Variants in HDAC1 observed in about 807,000 individuals in gnomAD.
HDAC1 encodes protein deacetylase HDAC1.
HDAC1 carries 18 observed loss-of-function variants against 65.5 expected under a neutral mutation model. The ratio of observed to expected loss-of-function variants is 0.27; its 90% CI spans 0.19 to 0.41. HDAC1 has a LOEUF of 0.41. HDAC1 is among the 10% of genes least tolerant of loss of function. HDAC1 has a pLI of 1.00. For missense variants in HDAC1, 373 were observed against 625.2 expected (o/e 0.60, Z 4.30); for synonymous variants, 211 against 227.9 (o/e 0.93, Z 0.67).
At chr1:32,319,275 G>A (rs1375775767) in intron 3 of HDAC1, among the ~76,000 whole-genome samples, 2 of 152,034 alleles carry the variant, frequency 1.3e-5, no homozygotes, top group Non-Finnish European at 1.5e-5. Context: ...ATTAGGTCTT[G>A]GATTTTTCTG....
intron 2 of HDAC1, among the ~76,000 whole-genome samples, chr1:32,306,189 T>A (rs147891634): frequency 0.011 from 1,676 of 150,864 alleles, 19 homozygotes; most frequent in Non-Finnish European, 0.016. Flanking sequence ...TCTTTTTCTT[T>A]TTCTTTTTTT....
intron 3 of HDAC1, among the ~76,000 whole-genome samples, chr1:32,322,328 A>G (rs553846257): frequency 1.3e-5 from 2 of 151,628 alleles, no homozygotes; most frequent in Admixed American, 1.3e-4. Context: ...CCAGGCTGGA[A>G]TGCAGGGGTG....
intron 3 of HDAC1, among the ~76,000 whole-genome samples, chr1:32,318,761 G>T (rs1161590523): frequency 6.6e-6 from 1 of 152,144 alleles, no homozygotes; most frequent in Non-Finnish European, 1.5e-5. Context: ...GCCCTGAGGA[G>T]TGTGCAGGTT....
intron 3 of HDAC1, among the ~76,000 whole-genome samples, chr1:32,317,969 T>C (rs1364080882): frequency 6.6e-6 from 1 of 152,048 alleles, no homozygotes; most frequent in African/African-American, 2.4e-5. Flanking sequence ...CCCCTGCCAC[T>C]TTTTTTTGAG....
Position 32,333,487 on chromosome 1 carries a change from C to T in HDAC1, c.*443C>T, listed in dbSNP as rs1353419982. 3 of 153,754 alleles carry T rather than the reference C, an allele frequency of 2.0e-5. No individual in the cohort carries two copies. Among genetic ancestry groups the T allele is most frequent in the African/African-American group, 7.2e-5 (3 of 41,462 alleles). The allele number at this position is 153,754 out of a possible 1,614,324, so 9.5% of individuals were successfully genotyped here. A position where few individuals can be genotyped will look rare whatever the true frequency, so the allele number is the denominator to read the frequency against. On this transcript the variant is annotated 3_prime_UTR_variant, in exon 14 of 14. Transcript: ENST00000373548. ...TGTTTTCGTACCTTCCCACTGGCCT[C>T]AAGTGAGCCAAGAAACACTGCCTGC... is the stretch of plus-strand genomic sequence containing the variant.
intron 1 of HDAC1, among the ~76,000 whole-genome samples, chr1:32,297,636 AGTCTT>A (rs1640786115): frequency 6.6e-6 from 1 of 152,090 alleles, no homozygotes; most frequent in African/African-American, 2.4e-5. Context: ...GGGGGGACGG[AGTCTT>A]GCTCTGTCGC....
At position 32,327,479 on chromosome 1, in the gene HDAC1, C is replaced by T; in HGVS notation, c.495-57C>T. The T allele has an allele frequency of 4.4e-6, 6 of 1,359,262 alleles. No individual in the cohort carries two copies. The Admixed American group carries it at 8.5e-5, about 19-fold the overall frequency. The allele number at this position is 1,359,262 out of a possible 1,614,324, so 84.2% of individuals were successfully genotyped here. On this transcript the variant is annotated intron_variant, in intron 5 of 13. Coordinates refer to ENST00000373548, the MANE Select transcript of HDAC1 (RefSeq NM_004964.3). The surrounding 1 kb of genome is among the most constrained non-coding windows in gnomAD (Gnocchi z 6.0). ...GCCCGGTAAGCTGGGAGCTAGCGCCCTTGGCACGTCCCATCCCCAAAGAGC... is the reference window on the plus strand; with the variant it reads ...GCCCGGTAAGCTGGGAGCTAGCGCCTTTGGCACGTCCCATCCCCAAAGAGC...
At position 32,330,432 on chromosome 1, in the gene HDAC1, A is replaced by G; in HGVS notation, c.730-146A>G. On this transcript the variant is annotated intron_variant, in intron 7 of 13. Transcript: ENST00000373548. This position sits in a 1 kb window ranked among gnomAD's most constrained non-coding sequence, Gnocchi z 4.2. ...TCCCAAGTGGGCAAGCAAGGGCTCC[A>G]GCCTAGCACTCCCTTTTCTCTCCCA... is the stretch of plus-strand genomic sequence containing the variant. 2.9e-6 allele frequency: 2 copies of G among 680,164 alleles called. No individual in the cohort carries two copies. Among genetic ancestry groups the G allele is most frequent in the Non-Finnish European group, 5.3e-6 (2 of 379,998 alleles). The allele number at this position is 680,164 out of a possible 1,614,324, so 42.1% of individuals were successfully genotyped here. A position where few individuals can be genotyped will look rare whatever the true frequency, so the allele number is the denominator to read the frequency against.
chr1:32,324,321 G>C (rs1641187874), intron 3 of HDAC1, among the ~76,000 whole-genome samples, 158 bp from the exon 4 acceptor site: 1 of 152,176 alleles, frequency 6.6e-6, no homozygotes, highest in African/African-American at 2.4e-5. Context: ...AAAGCTCAAA[G>C]ATGTTAAACA....
chr1:32,328,940 C>A, intron 6 of HDAC1, 128 bp from the exon 7 acceptor site: 1 of 706,390 alleles, frequency 1.4e-6, no homozygotes, highest in South Asian at 1.5e-5. Context: ...TACCTCTGTT[C>A]TGTCCTGGCC....
At chr1:32,328,134 GC>G (rs1355704999) in intron 6 of HDAC1, among the ~76,000 whole-genome samples, 2 of 152,136 alleles carry the variant, frequency 1.3e-5, no homozygotes, top group African/African-American at 4.8e-5. Flanking sequence ...CCTTACTGAA[GC>G]CCATCCATGA....
chr1:32,316,794 C>T lies in HDAC1; in HGVS notation c.280+12C>T, dbSNP rs760485212. 7 of 1,534,622 alleles carry T rather than the reference C, an allele frequency of 4.6e-6. No homozygotes were observed. Among genetic ancestry groups the T allele is most frequent in the Non-Finnish European group, 5.4e-6 (6 of 1,107,724 alleles). ...GCAGATGCAGAGATGTAAGTCCATT[C>T]TGTTCCCTCACACTCTGAAGCCGCC... On this transcript the variant is annotated intron_variant, in intron 3 of 13. Transcript: ENST00000373548.
At chr1:32,325,438 T>A (rs1641204071) in intron 4 of HDAC1, among the ~76,000 whole-genome samples, 1 of 152,152 alleles carries the variant, frequency 6.6e-6, no homozygotes, top group South Asian at 2.1e-4. Context: ...AGTCACAGGG[T>A]TGGTGGATAA....
chr1:32,294,775 A>G (rs769536588), intron 1 of HDAC1, among the ~76,000 whole-genome samples: 1 of 151,448 alleles, frequency 6.6e-6, no homozygotes, highest in Non-Finnish European at 1.5e-5. Context: ...CGGCCTCCCA[A>G]AGTGCTGGGA....
rs560467942 is a variant in HDAC1 at position 32,327,842 on chromosome 1, G to A, written c.636+165G>A. ...TGATCTCTTTCCCTTCCTTATTCTG[G>A]AGGAAGGGAATGATGGGACATAAAG... is the stretch of plus-strand genomic sequence containing the variant. On this transcript the variant is annotated intron_variant, in intron 6 of 13. Transcript: ENST00000373548. This position sits in a 1 kb window ranked among gnomAD's most constrained non-coding sequence, Gnocchi z 6.0. 1.3e-5 allele frequency: 9 copies of A among 676,106 alleles called. No homozygotes were observed. Among genetic ancestry groups the A allele is most frequent in the African/African-American group, 1.8e-5 (1 of 56,540 alleles). The allele number at this position is 676,106 out of a possible 1,614,324, so 41.9% of individuals were successfully genotyped here.
At chr1:32,300,744 G>C (rs1640836687) in intron 1 of HDAC1, among the ~76,000 whole-genome samples, 1 of 152,186 alleles carries the variant, frequency 6.6e-6, no homozygotes, top group Non-Finnish European at 1.5e-5. Context: ...GGATACTGTG[G>C]TGTGAAGGTG....
Position 32,313,118 on chromosome 1 carries a change from T to A in HDAC1, c.163-3547T>A, listed in dbSNP as rs556718233. Among the ~76,000 whole-genome samples, 244 of 148,166 alleles carry A rather than the reference T, an allele frequency of 1.6e-3. 1 individual carries two copies. Among genetic ancestry groups the A allele is most frequent in the African/African-American group, 5.7e-3 (234 of 40,978 alleles). ...TATTTATTTATTTATTTATTTGAGA[T>A]GGAGTCTCGCTTTGTTGCCCAGGCT... On this transcript the variant is annotated intron_variant, in intron 2 of 13. Coordinates refer to ENST00000373548, the MANE Select transcript of HDAC1 (RefSeq NM_004964.3).
chr1:32,312,002 C>G (rs1409923218), intron 2 of HDAC1, among the ~76,000 whole-genome samples: 1 of 152,100 alleles, frequency 6.6e-6, no homozygotes, highest in Non-Finnish European at 1.5e-5. Context: ...TTTTCTTTCA[C>G]TGTGGGTGTT....
At chr1:32,307,214 T>C (rs903074097) in intron 2 of HDAC1, among the ~76,000 whole-genome samples, 3 of 152,126 alleles carry the variant, frequency 2.0e-5, no homozygotes, top group African/African-American at 7.2e-5. Flanking sequence ...CATTGCACTC[T>C]AGCGTGGGCA....
Sources: allele counts gnomAD v4.1 joint callset (sites outside exome capture counted in the v4.1 genomes callset), GRCh38; gene constraint gnomAD v4.1.1; non-coding constraint Gnocchi (gnomAD v3.1); transcripts MANE v1.5; gene names NCBI Gene and HGNC (gene_info 2026-07-23, HGNC 2026-07-21).